IKZF3: variants seen among roughly 807,000 people sequenced by gnomAD.
IKZF3 encodes the protein zinc finger protein Aiolos.
A neutral mutation model predicts 49.0 loss-of-function variants in IKZF3; 10 were observed. The ratio of observed to expected loss-of-function variants is 0.20; its 90% confidence interval spans 0.13 to 0.35. The LOEUF (loss-of-function observed/expected upper bound fraction) is 0.35. Among genes scored for constraint, IKZF3 ranks in the 10% least tolerant of loss-of-function variants. The pLI, the probability that IKZF3 is intolerant of heterozygous loss-of-function variation, is 1.00. For missense variants in IKZF3, 498 were observed against 664.8 expected, an observed-to-expected ratio of 0.75 and a Z score of 2.76; for synonymous variants, 209 against 228.2, an observed-to-expected ratio of 0.92 and a Z score of 0.76.
chr17:39,770,878 T>C (rs2060421801), intron 7 of IKZF3, among the ~76,000 whole-genome samples: 1 of 151,306 alleles, frequency 6.6e-6, no homozygotes, highest in East Asian at 1.9e-4. Flanking sequence ...CGATCTCGAC[T>C]CACTGCAACC....
At position 39,792,601 on chromosome 17, in the gene IKZF3, T is replaced by C. The variant is rs2061052912; in HGVS notation, c.424+72A>G. On this transcript the variant is annotated intron_variant, in intron 4 of 7. Transcript: ENST00000346872. ...AATGAAAGTAACCAAAAGTTCCAAATTCCACCACTTCATTTCTCACGTGGC... is the reference window on the plus strand; with the variant it reads ...AATGAAAGTAACCAAAAGTTCCAAACTCCACCACTTCATTTCTCACGTGGC... 2.0e-6 allele frequency: 3 copies of C among 1,502,884 alleles called. No homozygotes were observed. In the East Asian group the frequency reaches 6.8e-5, roughly 34 times the overall value. The allele number at this position is 1,502,884 out of a possible 1,614,324, so 93.1% of individuals were successfully genotyped here. A position where few individuals can be genotyped will look rare whatever the true frequency, so the allele number is the denominator to read the frequency against.
intron 7 of IKZF3, among the ~76,000 whole-genome samples, chr17:39,777,405 A>G (rs918558362): frequency 6.6e-6 from 1 of 152,244 alleles, no homozygotes; most frequent in Admixed American, 6.5e-5. Context: ...GATTTTAAAC[A>G]TCACATCCAT....
chr17:39,830,859 A>C (rs1212576170), intron 2 of IKZF3, among the ~76,000 whole-genome samples: 1 of 152,202 alleles, frequency 6.6e-6, no homozygotes, highest in African/African-American at 2.4e-5. Flanking sequence ...CGGGAGCGAA[A>C]GAGAAACACG....
intron 1 of IKZF3, among the ~76,000 whole-genome samples, chr17:39,838,328 T>G (rs1408807520): frequency 6.6e-6 from 1 of 152,216 alleles, no homozygotes; most frequent in Non-Finnish European, 1.5e-5. Context: ...TCTCTGATAT[T>G]CAGAAGGAAT....
At chr17:39,777,600 T>C in intron 7 of IKZF3, 51 bp downstream of exon 7, 1 of 1,298,232 alleles carries the variant, frequency 7.7e-7, no homozygotes, top group Non-Finnish European at 1.1e-6. Context: ...CCTATGTTAT[T>C]TCATTCAAAC....
In IKZF3 at chr17:39,765,443, G is replaced by A. The variant is rs944465432; in HGVS notation, c.*347C>T. On this transcript the variant is annotated 3_prime_UTR_variant, in exon 8 of 8. Transcript: ENST00000346872. ...ATGTATGACTGAAAGGCTTTTCCAC[G>A]TGTGGTTGATATATCTCAGAAAGAA... The A allele has an allele frequency of 3.3e-5, 6 of 183,486 alleles. No individual in the cohort carries two copies. Among genetic ancestry groups the A allele is most frequent in the Non-Finnish European group, 6.8e-5 (6 of 87,600 alleles). The allele number at this position is 183,486 out of a possible 1,614,324, so 11.4% of individuals were successfully genotyped here.
chr17:39,837,763 C>T (rs1054084773), intron 1 of IKZF3, among the ~76,000 whole-genome samples: 2 of 151,982 alleles, frequency 1.3e-5, no homozygotes, highest in Non-Finnish European at 2.9e-5. Context: ...CTCAGCCTCC[C>T]GAGTAGCTGG....
At chr17:39,839,051 G>C (rs1001761876) in intron 1 of IKZF3, among the ~76,000 whole-genome samples, 8 of 151,856 alleles carry the variant, frequency 5.3e-5, no homozygotes, top group Non-Finnish European at 1.2e-4. Flanking sequence ...GGCTTGTCTT[G>C]AACTCCTGGC....
At chr17:39,856,045 A>G (rs1016506991) in intron 1 of IKZF3, among the ~76,000 whole-genome samples, 3 of 134,208 alleles carry the variant, frequency 2.2e-5, no homozygotes, top group African/African-American at 6.2e-5. Context: ...TAACATGTAT[A>G]TTGTATATGT....
intron 3 of IKZF3, among the ~76,000 whole-genome samples, chr17:39,818,346 A>G (rs1229573440): frequency 6.6e-6 from 1 of 152,232 alleles, no homozygotes; most frequent in Non-Finnish European, 1.5e-5. Context: ...ATTAGTAACA[A>G]TAACAATAAA....
At position 39,859,001 on chromosome 17, in the gene IKZF3, G is replaced by A. The variant is rs79879369; in HGVS notation, c.7+5119C>T. 6.8e-3 allele frequency among the ~76,000 whole-genome samples: 1,038 copies of A among 151,900 alleles called. 14 individuals are homozygous for A. The highest frequency in any genetic ancestry group is 0.024 in the African/African-American group (995 of 41,388). On this transcript the variant is annotated intron_variant, in intron 1 of 7. Transcript: ENST00000346872. ...TTATTATTATTTTTTATGAAACAGG[G>A]CCTCACCATGTTGCCCAGGCTGGTC...
At chr17:39,860,833 CT>C (rs2063195800) in intron 1 of IKZF3, among the ~76,000 whole-genome samples, 1 of 152,148 alleles carries the variant, frequency 6.6e-6, no homozygotes, top group Non-Finnish European at 1.5e-5. Flanking sequence ...ACATAATATA[CT>C]TATGTAAGAA....
At chr17:39,832,065 G>A (rs766725346) in intron 2 of IKZF3, 33 bp downstream of exon 2, 118 of 1,511,884 alleles carry the variant, frequency 7.8e-5, no homozygotes, top group Non-Finnish European at 1.1e-4. Flanking sequence ...TTTAGTAAAG[G>A]TATATTTCCA....
intron 1 of IKZF3, among the ~76,000 whole-genome samples, chr17:39,848,316 T>G (rs1420496909): frequency 1.3e-4 from 20 of 152,220 alleles, no homozygotes. Flanking sequence ...ACAAAGTCAG[T>G]GTCTAGTGTT....
intron 3 of IKZF3, among the ~76,000 whole-genome samples, chr17:39,804,193 C>G (rs1202535466): frequency 6.6e-6 from 1 of 152,104 alleles, no homozygotes; most frequent in Non-Finnish European, 1.5e-5. Context: ...AATCCCAACA[C>G]TCCAGCACTT....
At chr17:39,823,188 G>A (rs1162232778) in intron 3 of IKZF3, among the ~76,000 whole-genome samples, 1 of 152,180 alleles carries the variant, frequency 6.6e-6, no homozygotes, top group African/African-American at 2.4e-5. Context: ...TCCAGGCTGA[G>A]GTGGTCTCAG....
At chr17:39,825,824 A>T (rs2061941374) in intron 3 of IKZF3, among the ~76,000 whole-genome samples, 1 of 152,220 alleles carries the variant, frequency 6.6e-6, no homozygotes, top group Admixed American at 6.5e-5. Context: ...TCTAATGGGG[A>T]GAGCATTGCC....
intron 3 of IKZF3, among the ~76,000 whole-genome samples, chr17:39,827,296 CTGT>C (rs1385835116): frequency 6.7e-6 from 1 of 149,828 alleles, no homozygotes; most frequent in Non-Finnish European, 1.5e-5. Flanking sequence ...CACGGCCGGC[CTGT>C]TGTTGTTCTT....
chr17:39,812,018 T>C (rs2061571480), intron 3 of IKZF3, among the ~76,000 whole-genome samples: 1 of 152,242 alleles, frequency 6.6e-6, no homozygotes, highest in Non-Finnish European at 1.5e-5. Flanking sequence ...AAGTAATTGC[T>C]TCAAGATCAT....
Sources: gnomAD v4.1 joint callset for allele counts (sites outside exome capture counted in the v4.1 genomes callset) on GRCh38, gnomAD v4.1.1 for gene constraint, MANE v1.5 for transcripts, NCBI Gene and HGNC (gene_info 2026-07-23, HGNC 2026-07-21) for gene names.